The following CCDC192 variants were observed in gnomAD, a reference collection of about 807,000 sequenced individuals.
CCDC192 encodes the protein coiled-coil domain containing 192, also known as coiled-coil domain-containing protein 192.
In CCDC192 at chr5:127,928,742, C is replaced by T. The variant is rs541510221; in HGVS notation, c.536-12440C>T. Among the ~76,000 whole-genome samples the T allele has an allele frequency of 4.6e-5, 7 of 152,134 alleles. No homozygotes were observed. The South Asian group carries it at 1.5e-3, about 32-fold the overall frequency. On this transcript the variant is annotated intron_variant, in intron 6 of 6. Coordinates refer to ENST00000514853, the MANE Select transcript of CCDC192 (RefSeq NM_001317938.2). ...CTCTACATTTTATATAAGTGAAAAT[C>T]TCAATAACAAATTTTAGCCATGTTA...
intron 2 of CCDC192, among the ~76,000 whole-genome samples, chr5:127,718,992 T>A (rs1580525032): frequency 6.6e-6 from 1 of 152,254 alleles, no homozygotes; most frequent in East Asian, 1.9e-4. Flanking sequence ...ATACTAGATC[T>A]TATTCATTTT....
intron 4 of CCDC192, 59 bp from the exon 5 acceptor site, chr5:127,798,047 C>A: frequency 2.5e-6 from 1 of 396,790 alleles, no homozygotes. Context: ...GTCTGTAATA[C>A]GTTGAGTATG....
rs191055470 is a variant in CCDC192, at chr5:127,710,801, A to G, written c.114+3041A>G. Among the ~76,000 whole-genome samples the G allele has an allele frequency of 1.3e-3, 196 of 152,226 alleles. 1 individual carries two copies. The Middle Eastern group carries it at 0.061, about 48-fold the overall frequency. On this transcript the variant is annotated intron_variant, in intron 2 of 6. Coordinates refer to ENST00000514853, the MANE Select transcript of CCDC192 (RefSeq NM_001317938.2). ...AATTGAGATTCGGGGAGATTCAAGG[A>G]GCTCCAGAATGTTAAGTGATCAAAG... is the stretch of plus-strand genomic sequence containing the variant.
chr5:127,715,579 C>T (rs572147201), intron 2 of CCDC192, among the ~76,000 whole-genome samples: 9 of 152,228 alleles, frequency 5.9e-5, no homozygotes, highest in African/African-American at 1.9e-4. Context: ...TTTTGTGGTT[C>T]CATACCAATT....
At chr5:127,846,288 CAAA>C (rs34754443) in intron 5 of CCDC192, among the ~76,000 whole-genome samples, 141 of 124,432 alleles carry the variant, frequency 1.1e-3, no homozygotes, top group African/African-American at 3.4e-3. Flanking sequence ...GACTCGGTCT[CAAA>C]AAAAAAAAAA....
chr5:127,838,912 G>A lies in CCDC192; in HGVS notation c.412-36626G>A, dbSNP rs78432644. ...GGGGTGACTCAGCCTCAAACACACT[G>A]ACAGCCTGGGCCTCTTCCCGTGAGA... is the stretch of plus-strand genomic sequence containing the variant. On this transcript the variant is annotated intron_variant, in intron 5 of 6. Transcript: ENST00000514853. 2.7e-3 allele frequency among the ~76,000 whole-genome samples: 415 copies of A among 152,304 alleles called. 5 individuals are homozygous for A. The highest frequency in any genetic ancestry group is 9.6e-3 in the African/African-American group (398 of 41,560).
At position 127,921,087 on chromosome 5, in the gene CCDC192, AGAAAG is replaced by A. The variant is rs141415438; in HGVS notation, c.536-20072_536-20068del. ...GGAAGCAGGAAAGGAGGAAAGGAAAAGAAAGGAAAGGAAAGGAAAGGAAAGGAGAA... is the reference window on the plus strand; with the variant it reads ...GGAAGCAGGAAAGGAGGAAAGGAAAAGAAAGGAAAGGAAAGGAAAGGAGAA... On this transcript the variant is annotated intron_variant, in intron 6 of 6. Transcript: ENST00000514853. 2.4e-3 allele frequency among the ~76,000 whole-genome samples: 314 copies of A among 131,770 alleles called. 1 individual carries two copies. The East Asian group carries it at 0.025, about 11-fold the overall frequency. 86.4% of individuals were successfully genotyped at this position (131,770 alleles called of 152,430 possible). A position where few individuals can be genotyped will look rare whatever the true frequency, so the allele number is the denominator to read the frequency against.
chr5:127,776,005 C>A (rs1392718805), intron 3 of CCDC192, among the ~76,000 whole-genome samples: 2 of 152,158 alleles, frequency 1.3e-5, no homozygotes, highest in Admixed American at 6.5e-5. Context: ...TCTTTATTAG[C>A]AGCATGAGTA....
At chr5:127,756,549 G>A (rs1228156) in intron 3 of CCDC192, among the ~76,000 whole-genome samples, 1 of 152,000 alleles carries the variant, frequency 6.6e-6, no homozygotes, top group Non-Finnish European at 1.5e-5. Flanking sequence ...CTGATCCATC[G>A]AGTGCAGGAT....
At chr5:127,932,876 G>A (rs568750312) in intron 6 of CCDC192, among the ~76,000 whole-genome samples, 58 of 152,258 alleles carry the variant, frequency 3.8e-4, no homozygotes, top group African/African-American at 1.4e-3. Flanking sequence ...CAGAAAACAT[G>A]GATGTGAAGT....
intron 5 of CCDC192, among the ~76,000 whole-genome samples, chr5:127,836,241 AC>A (rs1750028737): frequency 6.6e-6 from 1 of 152,210 alleles, no homozygotes; most frequent in Admixed American, 6.5e-5. Flanking sequence ...TCCATGTCTC[AC>A]ATCCACGCCA....
chr5:127,759,321 T>G (rs1437963425), intron 3 of CCDC192, among the ~76,000 whole-genome samples: 1 of 152,214 alleles, frequency 6.6e-6, no homozygotes, highest in Non-Finnish European at 1.5e-5. Flanking sequence ...ATCCACAATA[T>G]GATAGTATGT....
In CCDC192 at chr5:127,818,357, T is replaced by C. The variant is rs183537616; in HGVS notation, c.411+20195T>C. On this transcript the variant is annotated intron_variant, in intron 5 of 6. Transcript: ENST00000514853. ...CAGAGGTTTTCAACCTTGGCCACCA[T>C]TGAAGTCAACTGGGAAACATTTTTT... is the stretch of plus-strand genomic sequence containing the variant. Among the ~76,000 whole-genome samples, 15 of 152,278 alleles carry C rather than the reference T, an allele frequency of 9.9e-5. No homozygotes were observed. The East Asian group carries it at 2.3e-3, about 24-fold the overall frequency.
intron 3 of CCDC192, among the ~76,000 whole-genome samples, chr5:127,755,653 T>A (rs1754534838): frequency 7.2e-6 from 1 of 139,006 alleles, no homozygotes; most frequent in Non-Finnish European, 1.5e-5. Context: ...AAGAACGTAA[T>A]GATAAACATA....
chr5:127,860,293 A>C (rs755990094), intron 5 of CCDC192, among the ~76,000 whole-genome samples: 33 of 152,246 alleles, frequency 2.2e-4, no homozygotes, highest in Middle Eastern at 3.2e-3. Flanking sequence ...TGTTTGTTGA[A>C]TAGAACTAAA....
intron 5 of CCDC192, among the ~76,000 whole-genome samples, chr5:127,866,616 T>C (rs1204530781): frequency 1.3e-5 from 2 of 151,840 alleles, no homozygotes; most frequent in East Asian, 3.9e-4. Flanking sequence ...GTTTTACTTA[T>C]AAAGAATAAA....
intron 6 of CCDC192, among the ~76,000 whole-genome samples, chr5:127,876,046 A>G (rs894077705): frequency 4.5e-4 from 65 of 145,428 alleles, no homozygotes; most frequent in Non-Finnish European, 2.2e-4. Context: ...AGACTAGGGC[A>G]CAGGGAAGAG....
At chr5:127,881,025 A>T (rs1388107335) in intron 6 of CCDC192, among the ~76,000 whole-genome samples, 2 of 152,194 alleles carry the variant, frequency 1.3e-5, no homozygotes. Flanking sequence ...TGTAATACTT[A>T]ATGAGCAACC....
intron 2 of CCDC192, among the ~76,000 whole-genome samples, chr5:127,752,238 G>A (rs1754229337): frequency 6.6e-6 from 1 of 152,148 alleles, no homozygotes; most frequent in African/African-American, 2.4e-5. Context: ...CCCCATCTTT[G>A]TGGTTTTATC....
Sources: allele counts gnomAD v4.1 joint callset (sites outside exome capture counted in the v4.1 genomes callset), GRCh38; gene constraint gnomAD v4.1.1; transcripts MANE v1.5; gene names NCBI Gene and HGNC (gene_info 2026-07-23, HGNC 2026-07-21).